The following AUTS2 variants were observed in gnomAD, a reference collection of about 807,000 sequenced individuals.
AUTS2 encodes the protein autism susceptibility gene 2 protein.
In AUTS2, 17 loss-of-function variants were observed where a neutral mutation model predicts 112.4. The ratio of observed to expected loss-of-function variants is 0.15; its 90% confidence interval spans 0.10 to 0.23. The LOEUF is 0.23. AUTS2 is among the 10% of genes least tolerant of loss of function. The probability of loss-of-function intolerance (pLI) is 1.00; values close to 1 mark genes in which losing one functional copy is unlikely to be tolerated. For synonymous variants in AUTS2, 751 were observed against 702.7 expected (o/e 1.07, Z -1.09); for missense variants, 1,510 against 1,701.6 (o/e 0.89, Z 1.98).
chr7:69,972,009 G>T (rs756377577), intron 2 of AUTS2, among the ~76,000 whole-genome samples: 24 of 152,216 alleles, frequency 1.6e-4, no homozygotes, highest in South Asian at 6.2e-4. Context: ...CCACCAAACT[G>T]TCTTCCTGGC....
intron 2 of AUTS2, among the ~76,000 whole-genome samples, chr7:70,062,841 A>G (rs549585921): frequency 1.9e-4 from 29 of 152,338 alleles, no homozygotes; most frequent in East Asian, 1.5e-3. Context: ...TTGGAAAGGA[A>G]CTAGGCTACT....
chr7:70,643,662 C>T (rs764495410), intron 5 of AUTS2, among the ~76,000 whole-genome samples: 1 of 152,184 alleles, frequency 6.6e-6, no homozygotes, highest in Non-Finnish European at 1.5e-5. Context: ...TTAAGTGGAT[C>T]CTAAGACAGG....
intron 2 of AUTS2, among the ~76,000 whole-genome samples, chr7:69,923,585 C>T (rs957767920): frequency 5.9e-5 from 9 of 152,246 alleles, no homozygotes; most frequent in Middle Eastern, 6.8e-3. Flanking sequence ...TTTCAACTCT[C>T]GAACAAGGTC....
intron 5 of AUTS2, among the ~76,000 whole-genome samples, chr7:70,527,344 ATC>A (rs1799881689): frequency 6.6e-6 from 1 of 152,122 alleles, no homozygotes; most frequent in Non-Finnish European, 1.5e-5. Flanking sequence ...CTGCTCACTG[ATC>A]TCTTTTTTTG....
chr7:70,580,808 T>A lies in AUTS2; in HGVS notation c.691-117761T>A, dbSNP rs73445458. Among the ~76,000 whole-genome samples the A allele has an allele frequency of 8.4e-3, 1,281 of 152,346 alleles. 22 individuals are homozygous for A. The highest frequency in any genetic ancestry group is 0.029 in the African/African-American group (1,219 of 41,570). ...GAAGTTTTACGTTGTGTTTAACAGATACGACAGGATTTGCAGAGGAACTTT... is the reference window on the plus strand; with the variant it reads ...GAAGTTTTACGTTGTGTTTAACAGAAACGACAGGATTTGCAGAGGAACTTT... On this transcript the variant is annotated intron_variant, in intron 5 of 18. Transcript: ENST00000342771.
chr7:70,536,422 C>A (rs1800319132), intron 5 of AUTS2, among the ~76,000 whole-genome samples: 1 of 151,974 alleles, frequency 6.6e-6, no homozygotes. Flanking sequence ...AGTAGCCCAA[C>A]CATGGTGGAA....
chr7:69,649,444 A>G lies in AUTS2; in HGVS notation c.309+49482A>G, dbSNP rs570808698. Reference sequence around the variant, plus strand: ...AACTCTTAAAGAGTGGACATACGAAACAGTTGCCAACAACCCGTGGTCCAG... The same window carrying G: ...AACTCTTAAAGAGTGGACATACGAAGCAGTTGCCAACAACCCGTGGTCCAG... On this transcript the variant is annotated intron_variant, in intron 1 of 18. Coordinates refer to ENST00000342771, the MANE Select transcript of AUTS2 (RefSeq NM_015570.4). Among the ~76,000 whole-genome samples the G allele has an allele frequency of 2.2e-4, 34 of 151,926 alleles. No individual in the cohort carries two copies. In the South Asian group the frequency reaches 3.5e-3, roughly 16 times the overall value.
chr7:70,494,349 TTTTATCACTC>T (rs2116472670), intron 5 of AUTS2, among the ~76,000 whole-genome samples: 1 of 152,302 alleles, frequency 6.6e-6, no homozygotes, highest in South Asian at 2.1e-4. Context: ...TTTTATGTCT[TTTTATCACTC>T]TTTATCTTGA....
rs1197531472 is a variant in AUTS2, at chr7:70,562,252, A to G, written c.690+126471A>G. On this transcript the variant is annotated intron_variant, in intron 5 of 18. Coordinates refer to ENST00000342771, the MANE Select transcript of AUTS2 (RefSeq NM_015570.4). Reference sequence around the variant, plus strand: ...GGACAAATACACATGGGTGCCACAAACCAGTCACTAGCAAATATAGATTAG... The same window carrying G: ...GGACAAATACACATGGGTGCCACAAGCCAGTCACTAGCAAATATAGATTAG... 2.0e-5 allele frequency among the ~76,000 whole-genome samples: 3 copies of G among 152,322 alleles called. No homozygotes were observed. The East Asian group carries it at 5.8e-4, about 29-fold the overall frequency.
intron 1 of AUTS2, among the ~76,000 whole-genome samples, chr7:69,627,028 AAC>A (rs1234840603): frequency 1.3e-5 from 2 of 152,272 alleles, no homozygotes; most frequent in Non-Finnish European, 2.9e-5. Flanking sequence ...ATAGAAATAA[AAC>A]AGTCTTCTTG....
At chr7:69,676,504 G>A (rs1167512521) in intron 1 of AUTS2, among the ~76,000 whole-genome samples, 1 of 152,210 alleles carries the variant, frequency 6.6e-6, no homozygotes. Flanking sequence ...TCAGGTCTTG[G>A]TCTGGGGGAA....
intron 5 of AUTS2, among the ~76,000 whole-genome samples, chr7:70,663,496 C>T (rs1452383431): frequency 2.0e-5 from 3 of 152,170 alleles, no homozygotes; most frequent in East Asian, 1.9e-4. Context: ...CTCGTCCATC[C>T]GACAGTCTTA....
At chr7:70,583,411 A>G (rs1393324839) in intron 5 of AUTS2, among the ~76,000 whole-genome samples, 3 of 152,116 alleles carry the variant, frequency 2.0e-5, no homozygotes, top group African/African-American at 4.8e-5. Flanking sequence ...AGAAATCACA[A>G]CCGCAGTGAT....
intron 4 of AUTS2, among the ~76,000 whole-genome samples, chr7:70,288,394 T>C (rs1788561425): frequency 6.6e-6 from 1 of 152,028 alleles, no homozygotes; most frequent in Non-Finnish European, 1.5e-5. Flanking sequence ...AGAGCAAGAC[T>C]CCGTCTCAAA....
At chr7:70,264,867 G>A (rs1017903679) in intron 4 of AUTS2, among the ~76,000 whole-genome samples, 17 of 152,164 alleles carry the variant, frequency 1.1e-4, no homozygotes, top group African/African-American at 3.6e-4. Flanking sequence ...TTTAGAAAAA[G>A]TGTAAAGGAT....
At chr7:70,009,001 A>G (rs1253155461) in intron 2 of AUTS2, among the ~76,000 whole-genome samples, 1 of 152,218 alleles carries the variant, frequency 6.6e-6, no homozygotes, top group Non-Finnish European at 1.5e-5. Context: ...TTTGGCAAGT[A>G]TAGATGAAGT....
chr7:69,990,665 G>GTAAA (rs1798709299), intron 2 of AUTS2, among the ~76,000 whole-genome samples: 1 of 152,220 alleles, frequency 6.6e-6, no homozygotes, highest in African/African-American at 2.4e-5. Flanking sequence ...CAGAGATGTA[G>GTAAA]TAAATATCCA....
intron 4 of AUTS2, among the ~76,000 whole-genome samples, chr7:70,430,198 T>G (rs1206146819): frequency 6.6e-6 from 1 of 152,162 alleles, no homozygotes; most frequent in African/African-American, 2.4e-5. Flanking sequence ...GATAAGGCTC[T>G]TCACTTACGC....
intron 3 of AUTS2, among the ~76,000 whole-genome samples, chr7:70,131,017 T>A (rs1806242333): frequency 6.6e-6 from 1 of 152,142 alleles, no homozygotes; most frequent in African/African-American, 2.4e-5. Flanking sequence ...TTTCTTTCCT[T>A]AAAAAAACAT....
Sources: allele counts gnomAD v4.1 joint callset (sites outside exome capture counted in the v4.1 genomes callset), GRCh38; gene constraint gnomAD v4.1.1; transcripts MANE v1.5; gene names NCBI Gene and HGNC (gene_info 2026-07-23, HGNC 2026-07-21).